AATF: variants seen among roughly 807,000 people sequenced by gnomAD.
AATF encodes the protein apoptosis antagonizing transcription factor.
In AATF, 48 loss-of-function variants were observed where a neutral mutation model predicts 63.7. That is an observed-to-expected ratio of 0.75 (90% CI 0.60 to 0.96). The LOEUF is 0.96. Among genes scored for constraint, AATF ranks in the 40% least tolerant of loss-of-function variants. The probability of loss-of-function intolerance (pLI) is 0.00; values close to 1 mark genes in which losing one functional copy is unlikely to be tolerated. For missense variants in AATF, 639 were observed against 685.7 expected (o/e 0.93, Z 0.76); for synonymous variants, 258 against 247.7 (o/e 1.04, Z -0.39).
At chr17:37,030,212 C>G (rs555048689) in intron 10 of AATF, among the ~76,000 whole-genome samples, 64 of 152,112 alleles carry the variant, frequency 4.2e-4, no homozygotes, top group Admixed American at 2.1e-3. Context: ...CACCCTGCCT[C>G]TATTACTTGT....
At position 37,008,846 on chromosome 17, in the gene AATF, T is replaced by C. The variant is rs149255952; in HGVS notation, c.1399-10159T>C. On this transcript the variant is annotated intron_variant, in intron 8 of 11. Coordinates refer to ENST00000619387, the MANE Select transcript of AATF (RefSeq NM_012138.4). ...GTGAGCGACAAAGCAAGGGCCTGTC[T>C]CTAAAACCACACACACTGTAACTGA... Among the ~76,000 whole-genome samples, 1,039 of 152,306 alleles carry C rather than the reference T, an allele frequency of 6.8e-3. 8 individuals carry two copies. The highest frequency in any genetic ancestry group is 0.014 in the Middle Eastern group (4 of 294).
intron 8 of AATF, among the ~76,000 whole-genome samples, chr17:36,991,524 A>G (rs1245899808): frequency 1.3e-5 from 2 of 151,324 alleles, no homozygotes; most frequent in Admixed American, 6.6e-5. Context: ...TAGACTAAAC[A>G]TTTGGGCTGT....
At chr17:37,001,957 A>T (rs1301911043) in intron 8 of AATF, among the ~76,000 whole-genome samples, 5 of 152,034 alleles carry the variant, frequency 3.3e-5, no homozygotes, top group Non-Finnish European at 7.4e-5. Flanking sequence ...ATCCCAGCAC[A>T]CTGGGAGGCC....
At chr17:37,049,167 T>G (rs1366611895) in intron 11 of AATF, among the ~76,000 whole-genome samples, 1 of 152,192 alleles carries the variant, frequency 6.6e-6, no homozygotes, top group African/African-American at 2.4e-5. Context: ...CCTGAGCCAG[T>G]CAGAACCAAC....
chr17:37,036,645 G>A (rs913196312), intron 11 of AATF, among the ~76,000 whole-genome samples: 1 of 151,402 alleles, frequency 6.6e-6, no homozygotes, highest in Admixed American at 6.6e-5. Context: ...GCCAAGTTGT[G>A]TCCCTGTTGT....
chr17:37,050,550 C>T (rs1361278952), intron 11 of AATF, among the ~76,000 whole-genome samples: 2 of 152,128 alleles, frequency 1.3e-5, no homozygotes, highest in Non-Finnish European at 2.9e-5. Flanking sequence ...CATTGGTGAC[C>T]GCGCTGGTCT....
chr17:37,015,540 C>T (rs1029074887), intron 8 of AATF, among the ~76,000 whole-genome samples: 32 of 152,098 alleles, frequency 2.1e-4, no homozygotes, highest in Admixed American at 2.0e-3. Context: ...TTTAGAGGGA[C>T]GCCTAATCCC....
chr17:37,006,968 TG>T (rs1208037890), intron 8 of AATF, among the ~76,000 whole-genome samples: 1 of 152,238 alleles, frequency 6.6e-6, no homozygotes, highest in Non-Finnish European at 1.5e-5. Context: ...ACTTTTTCAG[TG>T]GTAGCCTCTA....
At chr17:37,016,643 G>A (rs1208907528) in intron 8 of AATF, among the ~76,000 whole-genome samples, 1 of 151,656 alleles carries the variant, frequency 6.6e-6, no homozygotes, top group Non-Finnish European at 1.5e-5. Flanking sequence ...AGGTTTATTT[G>A]TAAAGTTAAA....
intron 4 of AATF, among the ~76,000 whole-genome samples, chr17:36,968,744 C>G (rs913847511): frequency 6.6e-6 from 1 of 151,934 alleles, no homozygotes; most frequent in Admixed American, 6.6e-5. Flanking sequence ...GCCTTAGCCT[C>G]CTGAGTAGCT....
chr17:37,051,689 G>GAC (rs1447795733), intron 11 of AATF, among the ~76,000 whole-genome samples: 25 of 118,588 alleles, frequency 2.1e-4, no homozygotes, highest in East Asian at 4.8e-4. Flanking sequence ...CAGACAGACA[G>GAC]ACAGACAGAC....
intron 11 of AATF, among the ~76,000 whole-genome samples, chr17:37,037,011 T>TTTTTG (rs1555654083): frequency 1.0e-5 from 1 of 97,630 alleles, no homozygotes; most frequent in African/African-American, 3.8e-5. Flanking sequence ...CATCTTTTTG[T>TTTTTG]TTTTTTTTTT....
chr17:36,990,819 G>A lies in AATF; in HGVS notation c.1360G>A (p.Asp454Asn), dbSNP rs2071208710. 1.9e-6 allele frequency: 3 copies of A among 1,594,676 alleles called. No homozygotes were observed. Among genetic ancestry groups the A allele is most frequent in the East Asian group, 4.6e-5 (2 of 43,506 alleles). ...APANAHLKDL[D>N]EEIFDDDDFY... is the part of the protein sequence containing the mutation. ...TGCTAATGCTCATCTGAAGGACTTGGATGAAGAAATCTTTGATGATGATGA... is the reference window on the plus strand; with the variant it reads ...TGCTAATGCTCATCTGAAGGACTTGAATGAAGAAATCTTTGATGATGATGA... Residue 454 changes from aspartate (D) to asparagine (N), a missense_variant, in exon 8 of 12, where the codon GAT (aspartate) becomes AAT (asparagine). Physicochemically the swap from Asp to Asn is conservative, Grantham distance 23. Coordinates refer to ENST00000619387, the MANE Select transcript of AATF (RefSeq NM_012138.4).
At chr17:36,978,940 A>G (rs371203953) in intron 4 of AATF, among the ~76,000 whole-genome samples, 13 of 151,944 alleles carry the variant, frequency 8.6e-5, no homozygotes, top group African/African-American at 2.7e-4. Flanking sequence ...TGTTATTCTG[A>G]GTTGATAATC....
chr17:37,015,005 G>T (rs1284005093), intron 8 of AATF, among the ~76,000 whole-genome samples: 1 of 151,944 alleles, frequency 6.6e-6, no homozygotes, highest in Non-Finnish European at 1.5e-5. Flanking sequence ...TAAGTTTTGG[G>T]GGTTTTTTTC....
intron 8 of AATF, among the ~76,000 whole-genome samples, chr17:37,009,891 G>A (rs1320286549): frequency 6.8e-6 from 1 of 147,356 alleles, no homozygotes; most frequent in African/African-American, 2.5e-5. Flanking sequence ...TGTGTTTGTT[G>A]TGTAGGTCAT....
chr17:36,982,656 G>GT lies in AATF; in HGVS notation c.833-3954dup, dbSNP rs894139075. Among the ~76,000 whole-genome samples the GT allele has an allele frequency of 7.8e-4, 118 of 151,972 alleles. 1 individual carries two copies. The highest frequency in any genetic ancestry group is 5.4e-4 in the Non-Finnish European group (37 of 67,974). ...CGTGAGCCACCGCGCCCAGCCCAGTGTTTTTTTGTTGTTTTTTTTGTTTGT... is the reference window on the plus strand; with the variant it reads ...CGTGAGCCACCGCGCCCAGCCCAGTGTTTTTTTTGTTGTTTTTTTTGTTTGT... On this transcript the variant is annotated intron_variant, in intron 4 of 11. Transcript: ENST00000619387.
intron 8 of AATF, 151 bp from the exon 9 acceptor site, chr17:37,018,854 G>C: frequency 1.5e-6 from 1 of 645,356 alleles, no homozygotes; most frequent in South Asian, 1.9e-5. Flanking sequence ...GCGTTAACGG[G>C]AATTCAGTAA....
chr17:37,029,290 C>T (rs960164744), intron 10 of AATF, among the ~76,000 whole-genome samples: 1 of 151,942 alleles, frequency 6.6e-6, no homozygotes, highest in African/African-American at 2.4e-5. Context: ...GTCACCCAGG[C>T]TGGAGTGCAG....
Sources: gnomAD v4.1 joint callset for allele counts (sites outside exome capture counted in the v4.1 genomes callset) on GRCh38, gnomAD v4.1.1 for gene constraint, MANE v1.5 for transcripts, NCBI Gene and HGNC (gene_info 2026-07-23, HGNC 2026-07-21) for gene names.